Variants in CACNA1E observed in about 807,000 individuals in gnomAD.
The protein encoded by CACNA1E is voltage-dependent R-type calcium channel subunit alpha-1E.
CACNA1E carries 40 observed loss-of-function variants against 259.2 expected under a neutral mutation model. The ratio of observed to expected loss-of-function variants is 0.15; its 90% confidence interval spans 0.12 to 0.20. CACNA1E has a LOEUF of 0.20. Among genes scored for constraint, CACNA1E ranks in the 10% least tolerant of loss-of-function variants. The pLI, the probability that CACNA1E is intolerant of heterozygous loss-of-function variation, is 1.00. For synonymous variants in CACNA1E, 1,104 were observed against 1,138.5 expected (o/e 0.97, Z 0.61); for missense variants, 1,874 against 3,040.1 (o/e 0.62, Z 9.02).
intron 1 of CACNA1E, among the ~76,000 whole-genome samples, chr1:181,390,909 AAGG>A (rs1289374582): frequency 6.6e-6 from 1 of 152,188 alleles, no homozygotes; most frequent in Non-Finnish European, 1.5e-5. Flanking sequence ...AGGCTTCATG[AAGG>A]AGGAGATGAT....
intron 3 of CACNA1E, among the ~76,000 whole-genome samples, chr1:181,535,184 T>C (rs10910951): frequency 0.014 from 2,186 of 152,282 alleles, 70 homozygotes; most frequent in East Asian, 0.14. Flanking sequence ...TTGAACAAAA[T>C]GCAACAAAAA....
chr1:181,664,484 A>T (rs1322532567), intron 7 of CACNA1E, among the ~76,000 whole-genome samples: 1 of 152,158 alleles, frequency 6.6e-6, no homozygotes, highest in African/African-American at 2.4e-5. Context: ...TATTATTAGG[A>T]AGAAGTACAA....
At chr1:181,336,023 A>G (rs1651684864) in intron 1 of CACNA1E, among the ~76,000 whole-genome samples, 2 of 152,202 alleles carry the variant, frequency 1.3e-5, no homozygotes, top group Non-Finnish European at 2.9e-5. Context: ...AGTCCCTTCT[A>G]TTTCAGACAG....
At chr1:181,508,878 G>C (rs1665939358) in intron 1 of CACNA1E, among the ~76,000 whole-genome samples, 1 of 152,144 alleles carries the variant, frequency 6.6e-6, no homozygotes, top group South Asian at 2.1e-4. Context: ...GGCACAGTGG[G>C]GTGTGGAGGC....
chr1:181,722,731 G>A (rs189524596), intron 16 of CACNA1E, among the ~76,000 whole-genome samples: 10 of 152,238 alleles, frequency 6.6e-5, no homozygotes, highest in Admixed American at 6.5e-4. Flanking sequence ...CCGTGAATTG[G>A]GATTAGTAGA....
chr1:181,676,662 T>C (rs1289088608), intron 7 of CACNA1E, among the ~76,000 whole-genome samples: 1 of 152,178 alleles, frequency 6.6e-6, no homozygotes, highest in Non-Finnish European at 1.5e-5. Context: ...AACGAATAGC[T>C]GTTTGGCAAT....
chr1:181,684,614 T>C (rs796888332), intron 7 of CACNA1E, among the ~76,000 whole-genome samples: 1 of 152,200 alleles, frequency 6.6e-6, no homozygotes, highest in Non-Finnish European at 1.5e-5. Flanking sequence ...GTTTTAAGTT[T>C]TTCATTTAAG....
chr1:181,523,259 A>C (rs1317845093), intron 3 of CACNA1E, among the ~76,000 whole-genome samples: 2 of 152,232 alleles, frequency 1.3e-5, no homozygotes, highest in Non-Finnish European at 2.9e-5. Context: ...CACTCCCCCC[A>C]GCTGTGACTG....
At chr1:181,669,919 T>C (rs1446291138) in intron 7 of CACNA1E, among the ~76,000 whole-genome samples, 1 of 152,228 alleles carries the variant, frequency 6.6e-6, no homozygotes, top group Non-Finnish European at 1.5e-5. Context: ...ATGATGGACA[T>C]GATCCCAGTG....
rs1209127122 is a variant in CACNA1E at position 181,798,700 on chromosome 1, C to T, written c.6808C>T (p.Pro2270Ser). ...CCGTTCCAACACCATCGGCTCAGCC[C>T]CACCCCTGCGGCATAGCTGGCAGAT... ...LGRSNTIGSA[P>S]PLRHSWQMPN... The change falls in exon 48 of 48, where the codon CCA becomes TCA. Residue 2270 changes from proline to serine, a missense_variant. Coordinates refer to ENST00000367573, the MANE Select transcript of CACNA1E (RefSeq NM_001205293.3). This position sits in a 1 kb window ranked among gnomAD's most constrained non-coding sequence, Gnocchi z 4.2. The T allele has an allele frequency of 1.9e-6, 3 of 1,609,178 alleles. No individual in the cohort carries two copies. The highest frequency in any genetic ancestry group is 2.5e-6 in the Non-Finnish European group (3 of 1,177,098).
chr1:181,614,816 G>T (rs886558918), intron 6 of CACNA1E, among the ~76,000 whole-genome samples: 1 of 152,216 alleles, frequency 6.6e-6, no homozygotes, highest in Non-Finnish European at 1.5e-5. Context: ...GTGCATTCAT[G>T]ACATACCTAA....
At chr1:181,425,675 A>T (rs977710079) in intron 2 of CACNA1E, among the ~76,000 whole-genome samples, 2 of 151,210 alleles carry the variant, frequency 1.3e-5, no homozygotes, top group Non-Finnish European at 3.0e-5. Flanking sequence ...GGCGTGGGGC[A>T]CCCTTCTGAG....
At chr1:181,725,083 GGA>G (rs1466737999) in intron 17 of CACNA1E, among the ~76,000 whole-genome samples, 1 of 152,222 alleles carries the variant, frequency 6.6e-6, no homozygotes, top group Non-Finnish European at 1.5e-5. Flanking sequence ...CCCAGTGTGG[GGA>G]GGTAATATTA....
chr1:181,391,856 C>T, intron 1 of CACNA1E, among the ~76,000 whole-genome samples: 1 of 152,048 alleles, frequency 6.6e-6, no homozygotes, highest in East Asian at 1.9e-4. Context: ...TACCATAGCA[C>T]AGGAATCTGG....
chr1:181,601,483 C>T (rs1257867700), intron 6 of CACNA1E, among the ~76,000 whole-genome samples: 1 of 152,126 alleles, frequency 6.6e-6, no homozygotes, highest in Non-Finnish European at 1.5e-5. Flanking sequence ...ACATCATCTA[C>T]CTGTCCATCA....
At chr1:181,479,783 G>T (rs1452440968), upstream of CACNA1E, among the ~76,000 whole-genome samples, 1 of 152,180 alleles carries the variant, frequency 6.6e-6, no homozygotes, top group East Asian at 1.9e-4. Context: ...AGAAAGAGCC[G>T]CAGATTGGAA....
chr1:181,798,276 C>T lies in CACNA1E; in HGVS notation c.6400-16C>T, dbSNP rs1352531643. 5 of 1,564,330 alleles carry T rather than the reference C, an allele frequency of 3.2e-6. No homozygotes were observed. Among genetic ancestry groups the T allele is most frequent in the Non-Finnish European group, 4.3e-6 (5 of 1,154,326 alleles). ...CCAAGCCCAATCTAACATGCCATGT[C>T]TCTCCTGCTATACAGGGCACAGGTT... On this transcript the variant is annotated splice_polypyrimidine_tract_variant and intron_variant, in intron 47 of 47. Coordinates refer to ENST00000367573, the MANE Select transcript of CACNA1E (RefSeq NM_001205293.3). This position sits in a 1 kb window ranked among gnomAD's most constrained non-coding sequence, Gnocchi z 4.2.
At chr1:181,385,185 A>G (rs1179740918) in intron 1 of CACNA1E, among the ~76,000 whole-genome samples, 1 of 152,218 alleles carries the variant, frequency 6.6e-6, no homozygotes, top group Non-Finnish European at 1.5e-5. Flanking sequence ...TATAAATTCT[A>G]GACTCTTACC....
intron 3 of CACNA1E, among the ~76,000 whole-genome samples, chr1:181,560,032 T>C (rs997646184): frequency 6.6e-6 from 1 of 152,186 alleles, no homozygotes; most frequent in African/African-American, 2.4e-5. Flanking sequence ...AGAGCTATTT[T>C]TTTTTTCTGT....
Sources: allele counts gnomAD v4.1 joint callset (sites outside exome capture counted in the v4.1 genomes callset), GRCh38; gene constraint gnomAD v4.1.1; non-coding constraint Gnocchi (gnomAD v3.1); transcripts MANE v1.5; gene names NCBI Gene and HGNC (gene_info 2026-07-23, HGNC 2026-07-21).